The following SLC7A2 variants were observed in gnomAD, a reference collection of about 807,000 sequenced individuals.
SLC7A2 encodes the protein cationic amino acid transporter 2.
In SLC7A2, 48 loss-of-function variants were observed where a neutral mutation model predicts 58.9. That is an observed-to-expected ratio of 0.82 (90% CI 0.65 to 1.04). The LOEUF is 1.04. Ranked by LOEUF, SLC7A2 falls within the 50% of genes least tolerant of loss-of-function variation. SLC7A2 has a pLI of 0.00. For missense variants in SLC7A2, 1,029 were observed against 818.8 expected (o/e 1.26, Z -3.13); for synonymous variants, 363 against 314.5 (o/e 1.15, Z -1.63).
At chr8:17,523,032 A>G (rs535359176) in intron 2 of SLC7A2, among the ~76,000 whole-genome samples, 6 of 152,248 alleles carry the variant, frequency 3.9e-5, no homozygotes, top group South Asian at 4.1e-4. Flanking sequence ...GAGACCCTGT[A>G]TCAAAAAATA....
chr8:17,536,123 AAG>A (rs1491062865), intron 2 of SLC7A2, among the ~76,000 whole-genome samples: 40 of 144,900 alleles, frequency 2.8e-4, no homozygotes, highest in African/African-American at 9.8e-4. Flanking sequence ...AAAAAAAAAA[AAG>A]TTTTAAATGT....
chr8:17,529,087 A>G (rs1338677878), intron 2 of SLC7A2, among the ~76,000 whole-genome samples: 2 of 152,252 alleles, frequency 1.3e-5, no homozygotes, highest in African/African-American at 2.4e-5. Context: ...ATAAAAAAGC[A>G]TTATAAAGGC....
At chr8:17,540,850 G>A (rs554010864) in intron 2 of SLC7A2, among the ~76,000 whole-genome samples, 11 of 152,136 alleles carry the variant, frequency 7.2e-5, no homozygotes, top group Admixed American at 5.2e-4. Context: ...ATTAGCCCCC[G>A]AATCTGTCCT....
rs143627672 is a variant in SLC7A2, at chr8:17,497,819, A to G, written c.-69+582A>G. The stretch of plus-strand genomic sequence containing the variant: ...TGTTTGTATTGGGTATTTTAAAGTA[A>G]CTGGGTGCCTTTTAAAATCCGTTTG... On this transcript the variant is annotated intron_variant, in intron 1 of 12. Transcript: ENST00000494857. Among the ~76,000 whole-genome samples the G allele has an allele frequency of 2.4e-3, 373 of 152,256 alleles. 1 individual carries two copies. The highest frequency in any genetic ancestry group is 8.5e-3 in the African/African-American group (355 of 41,552).
Position 17,522,075 on chromosome 8 carries a change from C to G in SLC7A2, c.-23+19773C>G, listed in dbSNP as rs113632464. ...ATGCATGCATTAGTTTGTTTTCACG[C>G]TGCTGATAAAGACGTACCCAAGATT... On this transcript the variant is annotated intron_variant, in intron 2 of 12. Coordinates refer to ENST00000494857, the MANE Select transcript of SLC7A2 (RefSeq NM_001370338.1). Among the ~76,000 whole-genome samples, 164 of 152,250 alleles carry G rather than the reference C, an allele frequency of 1.1e-3. 1 individual carries two copies. Among genetic ancestry groups the G allele is most frequent in the African/African-American group, 3.9e-3 (162 of 41,542 alleles).
At chr8:17,520,187 AG>A (rs1268771794) in intron 2 of SLC7A2, among the ~76,000 whole-genome samples, 4 of 152,218 alleles carry the variant, frequency 2.6e-5, no homozygotes, top group Non-Finnish European at 5.9e-5. Context: ...AACATGTTTT[AG>A]GAAAGAATTA....
intron 11 of SLC7A2, among the ~76,000 whole-genome samples, chr8:17,563,042 C>A (rs1803094812): frequency 6.6e-6 from 1 of 152,154 alleles, no homozygotes; most frequent in East Asian, 1.9e-4. Context: ...AGTCAGGAGG[C>A]TGAAGTGGGA....
chr8:17,559,012 A>G (rs1156399363), intron 9 of SLC7A2, among the ~76,000 whole-genome samples: 2 of 152,216 alleles, frequency 1.3e-5, no homozygotes, highest in African/African-American at 4.8e-5. Context: ...AATTGTACCA[A>G]AGTGCTAACA....
chr8:17,542,467 A>G (rs1012181243), intron 2 of SLC7A2, among the ~76,000 whole-genome samples: 1 of 152,180 alleles, frequency 6.6e-6, no homozygotes, highest in African/African-American at 2.4e-5. Context: ...CATGGGCAAC[A>G]TAGTGAGACC....
At chr8:17,514,377 G>C (rs1054311934) in intron 2 of SLC7A2, among the ~76,000 whole-genome samples, 2 of 152,138 alleles carry the variant, frequency 1.3e-5, no homozygotes, top group African/African-American at 2.4e-5. Context: ...AATAGAAGTA[G>C]AATGAGCCCA....
At chr8:17,564,290 A>T (rs1289875450) in intron 12 of SLC7A2, among the ~76,000 whole-genome samples, 3 of 152,234 alleles carry the variant, frequency 2.0e-5, no homozygotes. Flanking sequence ...TTTTGTTTAA[A>T]GTACAGTATT....
intron 7 of SLC7A2, among the ~76,000 whole-genome samples, chr8:17,553,026 C>G (rs978931978): frequency 6.6e-6 from 1 of 152,116 alleles, no homozygotes; most frequent in Admixed American, 6.5e-5. Flanking sequence ...ATTAGACACT[C>G]TTGGTTTCTC....
At chr8:17,556,023 G>A (rs1230639399) in intron 8 of SLC7A2, among the ~76,000 whole-genome samples, 3 of 152,110 alleles carry the variant, frequency 2.0e-5, no homozygotes, top group Non-Finnish European at 1.5e-5. Context: ...GTGTAAAATG[G>A]AATTTTTTTC....
At position 17,564,987 on chromosome 8, in the gene SLC7A2, C is replaced by A; in HGVS notation, c.1818C>A (p.Ser606Arg). The A allele has an allele frequency of 6.2e-7, 1 of 1,613,300 alleles. No individual in the cohort carries two copies. The highest frequency in any genetic ancestry group is 8.5e-7 in the Non-Finnish European group (1 of 1,179,692). ...ACTTTTCTTATGGCATTAGACACAG[C>A]CTGGAGGGTCATCTGAGAGATGAAA... Reference protein sequence around the residue: ...LIYFSYGIRHSLEGHLRDENN... With the variant: ...LIYFSYGIRHRLEGHLRDENN... The change falls in exon 13 of 13, where the codon AGC (serine) becomes AGA (arginine). Residue 606 changes from serine (S) to arginine (R), a missense_variant. Coordinates refer to ENST00000494857, the MANE Select transcript of SLC7A2 (RefSeq NM_001370338.1).
chr8:17,498,556 C>T (rs1366277286), intron 1 of SLC7A2: 3 of 152,176 alleles, frequency 2.0e-5, no homozygotes, highest in Non-Finnish European at 4.4e-5. Flanking sequence ...TCTTCCCTCT[C>T]CTTTTCCTAC....
rs754982793 is a variant in SLC7A2, at chr8:17,544,582, G to T, written c.508G>T (p.Val170Leu). The T allele has an allele frequency of 4.3e-6, 7 of 1,613,788 alleles. No individual in the cohort carries two copies. The East Asian group carries it at 1.6e-4, about 36-fold the overall frequency. The change falls in exon 4 of 13, where the codon GTG becomes TTG. Residue 170 changes from valine (V) to leucine (L), a missense_variant. Transcript: ENST00000494857. Reference protein sequence around the residue: ...GLAEYPDFFAVCLILLLAGLL... With the variant: ...GLAEYPDFFALCLILLLAGLL... ...TGCAGAATATCCCGATTTTTTTGCT[G>T]TGTGCCTTATATTACTTCTAGCAGG...
At chr8:17,511,896 C>A (rs1251644628) in intron 2 of SLC7A2, among the ~76,000 whole-genome samples, 2 of 152,160 alleles carry the variant, frequency 1.3e-5, no homozygotes, top group Non-Finnish European at 2.9e-5. Flanking sequence ...CCTCCTAACA[C>A]ACTGACACTA....
intron 2 of SLC7A2, among the ~76,000 whole-genome samples, chr8:17,532,865 C>G (rs1218242569): frequency 6.6e-6 from 1 of 152,148 alleles, no homozygotes; most frequent in Non-Finnish European, 1.5e-5. Flanking sequence ...TGGAGTTTCT[C>G]AAATTTCTTT....
In SLC7A2 at chr8:17,570,532, G is replaced by GA. The variant is rs201249146; in HGVS notation, c.*5386_*5387insA. 3,511 of 150,672 alleles carry GA rather than the reference G, an allele frequency of 0.023. 97 individuals are homozygous for GA. Among genetic ancestry groups the GA allele is most frequent in the Middle Eastern group, 0.12 (36 of 294 alleles). 9.3% of individuals were successfully genotyped at this position (150,672 alleles called of 1,614,324 possible). On this transcript the variant is annotated 3_prime_UTR_variant, in exon 13 of 13. Coordinates refer to ENST00000494857, the MANE Select transcript of SLC7A2 (RefSeq NM_001370338.1). ...CACTGTAAAATATGCTTTCTGATGT[G>GA]GTGTATTTTTAAAATAAATTTTAAT...
Sources: allele counts gnomAD v4.1 joint callset (sites outside exome capture counted in the v4.1 genomes callset), GRCh38; gene constraint gnomAD v4.1.1; transcripts MANE v1.5; gene names NCBI Gene and HGNC (gene_info 2026-07-23, HGNC 2026-07-21).